The following SNTG2 variants were observed in gnomAD, a reference collection of about 807,000 sequenced individuals.
The protein encoded by SNTG2 is syntrophin gamma 2, also known as gamma-2-syntrophin.
In SNTG2, 74 loss-of-function variants were observed where a neutral mutation model predicts 70.9. The observed-to-expected ratio is 1.04, with a 90% CI of 0.86 to 1.27. The LOEUF (loss-of-function observed/expected upper bound fraction) is 1.27, where lower values mean the gene tolerates loss of function less well. SNTG2 is among the 50% of genes most tolerant of loss of function. The probability of loss-of-function intolerance (pLI) is 0.00; values close to 1 mark genes in which losing one functional copy is unlikely to be tolerated. For missense variants in SNTG2, 717 were observed against 690.7 expected (o/e 1.04, Z -0.43); for synonymous variants, 278 against 273.8 (o/e 1.02, Z -0.15).
At chr2:951,540 G>T (rs566146409) in intron 1 of SNTG2, among the ~76,000 whole-genome samples, 3 of 152,226 alleles carry the variant, frequency 2.0e-5, no homozygotes, top group Non-Finnish European at 4.4e-5. Flanking sequence ...GCGCGGCCTC[G>T]GCAGGTGCTG....
chr2:1,133,703 A>AT (rs10547436), intron 4 of SNTG2, among the ~76,000 whole-genome samples: 2 of 151,544 alleles, frequency 1.3e-5, no homozygotes, highest in African/African-American at 4.9e-5. Context: ...CCACTTTTTA[A>AT]TTTTTTTTAA....
At chr2:1,140,645 G>GTGT (rs1051070233) in intron 6 of SNTG2, among the ~76,000 whole-genome samples, 4 of 152,250 alleles carry the variant, frequency 2.6e-5, no homozygotes, top group African/African-American at 9.6e-5. Context: ...CGAGGCTGGT[G>GTGT]TGTTCTGCCT....
chr2:1,234,254 A>T (rs1676460840), intron 9 of SNTG2, among the ~76,000 whole-genome samples: 1 of 152,148 alleles, frequency 6.6e-6, no homozygotes, highest in Non-Finnish European at 1.5e-5. Flanking sequence ...TACACTAGTT[A>T]CCCGGCTTCT....
chr2:958,793 A>G (rs148837045), intron 1 of SNTG2, among the ~76,000 whole-genome samples: 1,868 of 152,326 alleles, frequency 0.012, 25 homozygotes, highest in African/African-American at 0.042. Context: ...GTAGTACAGT[A>G]AAATGTACTA....
intron 14 of SNTG2, among the ~76,000 whole-genome samples, chr2:1,294,054 C>G (rs1248237367): frequency 6.6e-6 from 1 of 152,240 alleles, no homozygotes; most frequent in African/African-American, 2.4e-5. Flanking sequence ...GCTGACCACT[C>G]TCTTCCCCAA....
At chr2:1,323,900 A>G (rs1681651668) in intron 16 of SNTG2, among the ~76,000 whole-genome samples, 1 of 151,554 alleles carries the variant, frequency 6.6e-6, no homozygotes, top group African/African-American at 2.4e-5. Flanking sequence ...GACATGGGTA[A>G]CAGTCACATT....
chr2:1,297,333 A>G (rs189758135), intron 14 of SNTG2, among the ~76,000 whole-genome samples: 10 of 152,362 alleles, frequency 6.6e-5, no homozygotes, highest in African/African-American at 1.9e-4. Context: ...TCAATGGAGA[A>G]TGTAAACCCG....
At chr2:1,035,560 C>T (rs990000170) in intron 1 of SNTG2, among the ~76,000 whole-genome samples, 3 of 152,206 alleles carry the variant, frequency 2.0e-5, no homozygotes, top group South Asian at 2.1e-4. Context: ...CTTCAGCGGC[C>T]GGTGTTTTAT....
chr2:1,252,463 A>G (rs1229978663), intron 12 of SNTG2, among the ~76,000 whole-genome samples: 2 of 152,216 alleles, frequency 1.3e-5, no homozygotes, highest in African/African-American at 2.4e-5. Context: ...CATTATAAAT[A>G]TCATACAATG....
chr2:1,060,259 G>T (rs1412822555), intron 1 of SNTG2, among the ~76,000 whole-genome samples: 1 of 152,130 alleles, frequency 6.6e-6, no homozygotes, highest in Non-Finnish European at 1.5e-5. Flanking sequence ...GAAACCAAAG[G>T]TTCACTTTCA....
At chr2:1,362,891 A>G (rs1293240111) in intron 16 of SNTG2, among the ~76,000 whole-genome samples, 13 of 143,944 alleles carry the variant, frequency 9.0e-5, no homozygotes, top group African/African-American at 2.3e-4. Context: ...GAAAGTCACC[A>G]ACGCTGAGCA....
intron 9 of SNTG2, among the ~76,000 whole-genome samples, chr2:1,212,122 G>C (rs1177408522): frequency 6.6e-6 from 1 of 152,156 alleles, no homozygotes; most frequent in African/African-American, 2.4e-5. Context: ...GTATTCCCCA[G>C]TGTTGGAGGT....
chr2:983,267 GGA>G (rs1661187160), intron 1 of SNTG2, among the ~76,000 whole-genome samples: 1 of 141,214 alleles, frequency 7.1e-6, no homozygotes, highest in African/African-American at 2.7e-5. Context: ...GTGGAGGTTG[GGA>G]TGAAGCAGAG....
chr2:1,009,985 G>A (rs1390607868), intron 1 of SNTG2, among the ~76,000 whole-genome samples: 2 of 152,196 alleles, frequency 1.3e-5, no homozygotes, highest in African/African-American at 4.8e-5. Context: ...CCGTTTGGGG[G>A]AAGGAGCAGT....
chr2:1,243,581 TA>T (rs1254187560), intron 11 of SNTG2, among the ~76,000 whole-genome samples: 4 of 152,234 alleles, frequency 2.6e-5, no homozygotes, highest in Non-Finnish European at 5.9e-5. Flanking sequence ...ACCTGTAATG[TA>T]AATCAATCTC....
chr2:1,083,760 C>G, intron 2 of SNTG2, 105 bp downstream of exon 2: 1 of 1,271,358 alleles, frequency 7.9e-7, no homozygotes, highest in South Asian at 1.4e-5. Flanking sequence ...AAAGCTGCTA[C>G]TCGTTATTTA....
chr2:985,193 C>G (rs1467691115), intron 1 of SNTG2, among the ~76,000 whole-genome samples: 1 of 152,148 alleles, frequency 6.6e-6, no homozygotes, highest in Non-Finnish European at 1.5e-5. Context: ...GGACTCCCCT[C>G]CAGGAAGAGC....
chr2:1,250,376 T>G (rs905463068), intron 12 of SNTG2, among the ~76,000 whole-genome samples: 23 of 152,310 alleles, frequency 1.5e-4, no homozygotes, highest in African/African-American at 5.5e-4. Flanking sequence ...TCTCCCTGTC[T>G]CTCTGTCTCT....
intron 1 of SNTG2, among the ~76,000 whole-genome samples, chr2:1,022,318 G>A (rs768750442): frequency 6.6e-6 from 1 of 151,080 alleles, no homozygotes; most frequent in Admixed American, 6.6e-5. Context: ...GAATCCTTGC[G>A]CTCACGTGAA....
Sources: gnomAD v4.1 joint callset for allele counts (sites outside exome capture counted in the v4.1 genomes callset) on GRCh38, gnomAD v4.1.1 for gene constraint, MANE v1.5 for transcripts, NCBI Gene and HGNC (gene_info 2026-07-23, HGNC 2026-07-21) for gene names.